UEVLD: variants seen among roughly 807,000 people sequenced by gnomAD.
UEVLD encodes UEV and lactate/malate dehyrogenase domains.
UEVLD carries 47 observed loss-of-function variants against 58.6 expected under a neutral mutation model. The ratio of observed to expected loss-of-function variants is 0.80; its 90% CI spans 0.63 to 1.02. The LOEUF is 1.02. Among genes scored for constraint, UEVLD ranks in the 50% least tolerant of loss-of-function variants. The pLI is 0.00. For missense variants in UEVLD, 510 were observed against 550.6 expected (o/e 0.93, Z 0.74); for synonymous variants, 197 against 195.3 (o/e 1.01, Z -0.07).
intron 7 of UEVLD, among the ~76,000 whole-genome samples, chr11:18,556,437 C>T (rs528936352): frequency 6.6e-6 from 1 of 152,338 alleles, no homozygotes; most frequent in East Asian, 1.9e-4. Context: ...CTAACTTTTA[C>T]AACTGATAGG....
At chr11:18,582,628 C>T (rs1853303192) in intron 1 of UEVLD, among the ~76,000 whole-genome samples, 1 of 152,000 alleles carries the variant, frequency 6.6e-6, no homozygotes, top group Non-Finnish European at 1.5e-5. Flanking sequence ...AGCCACCACA[C>T]CCAGCCTTAT....
At chr11:18,545,548 G>T (rs894757582) in intron 8 of UEVLD, among the ~76,000 whole-genome samples, 1 of 152,014 alleles carries the variant, frequency 6.6e-6, no homozygotes, top group African/African-American at 2.4e-5. Context: ...AGGTTCAAGG[G>T]ATTCTCCTAC....
At chr11:18,567,156 C>G (rs1852340818) in intron 4 of UEVLD, among the ~76,000 whole-genome samples, 1 of 152,146 alleles carries the variant, frequency 6.6e-6, no homozygotes, top group African/African-American at 2.4e-5. Context: ...TAACCGTTAT[C>G]AAATCAGAAA....
At chr11:18,545,396 G>A (rs1320110782) in intron 8 of UEVLD, among the ~76,000 whole-genome samples, 1 of 149,666 alleles carries the variant, frequency 6.7e-6, no homozygotes, top group Admixed American at 6.7e-5. Flanking sequence ...ATGTACATTA[G>A]AAACACTAAC....
chr11:18,532,090 A>T lies in UEVLD; in HGVS notation c.*230T>A. The T allele has an allele frequency of 3.1e-6, 1 of 326,752 alleles. No homozygotes were observed. The highest frequency in any genetic ancestry group is 5.5e-6 in the Non-Finnish European group (1 of 182,044). 20.2% of individuals were successfully genotyped at this position (326,752 alleles called of 1,614,324 possible). A position where few individuals can be genotyped will look rare whatever the true frequency, so the allele number is the denominator to read the frequency against. On this transcript the variant is annotated 3_prime_UTR_variant, in exon 12 of 12. Coordinates refer to ENST00000396197, the MANE Select transcript of UEVLD (RefSeq NM_001040697.4). ...GAATGTTTACCCCTGCTGTAGATTT[A>T]AAGAACAGCATAGATATCTCAAGAA...
intron 9 of UEVLD, among the ~76,000 whole-genome samples, chr11:18,543,319 G>A (rs971369245): frequency 1.3e-5 from 2 of 152,130 alleles, no homozygotes; most frequent in Admixed American, 6.5e-5. Context: ...CTCTTCGATC[G>A]GGTATTCACA....
At position 18,546,938 on chromosome 11, in the gene UEVLD, A is replaced by G; in HGVS notation, c.828T>C (p.Leu276=). 1.2e-6 allele frequency: 2 copies of G among 1,614,136 alleles called. No individual in the cohort carries two copies. Among genetic ancestry groups the G allele is most frequent in the Non-Finnish European group, 1.7e-6 (2 of 1,180,024 alleles). The change falls in exon 8 of 12, where the codon CTT becomes CTC. Residue 276 remains leucine (L), a synonymous_variant. Coordinates refer to ENST00000396197, the MANE Select transcript of UEVLD (RefSeq NM_001040697.4). Reference sequence around the variant, plus strand: ...GACTATAATGTCCCAGAGCTGGGACAAGGGCTCTGAACATATCCACATTGC... The same window carrying G: ...GACTATAATGTCCCAGAGCTGGGACGAGGGCTCTGAACATATCCACATTGC... ...VQSNVDMFRA[L]VPALGHYSQH... is the part of the protein sequence containing the mutation.
At chr11:18,574,895 GA>G (rs1852820108) in intron 3 of UEVLD, among the ~76,000 whole-genome samples, 1 of 152,092 alleles carries the variant, frequency 6.6e-6, no homozygotes, top group African/African-American at 2.4e-5. Flanking sequence ...GTGTAATGAA[GA>G]AAAAAGTAAC....
intron 9 of UEVLD, 195 bp from the exon 10 acceptor site, chr11:18,536,664 A>T: frequency 3.9e-6 from 2 of 515,880 alleles, no homozygotes; most frequent in Non-Finnish European, 7.0e-6. Flanking sequence ...AAAACTCTGA[A>T]CTACAAAAAA....
At position 18,545,079 on chromosome 11, in the gene UEVLD, T is replaced by A. The variant is rs1482608712; in HGVS notation, c.887-283A>T. Among the ~76,000 whole-genome samples, 605 of 145,796 alleles carry A rather than the reference T, an allele frequency of 4.1e-3. 5 individuals are homozygous for A. Among genetic ancestry groups the A allele is most frequent in the Non-Finnish European group, 5.2e-3 (344 of 66,000 alleles). On this transcript the variant is annotated intron_variant, in intron 8 of 11. Transcript: ENST00000396197. Reference sequence around the variant, plus strand: ...ATATCTATATCTATATCTATATTTTTTTTTTTTTTTTGAGATGGAGTGTCG... The same window carrying A: ...ATATCTATATCTATATCTATATTTTATTTTTTTTTTTGAGATGGAGTGTCG...
rs772899398 is a variant in UEVLD at position 18,544,797 on chromosome 11, C to T, written c.887-1G>A. On this transcript the variant is annotated splice_acceptor_variant, in intron 8 of 11. Coordinates refer to ENST00000396197, the MANE Select transcript of UEVLD (RefSeq NM_001040697.4). LOFTEE classifies it high-confidence loss of function. ...CATGTTACATAGGTCATGATTTCCACTAAATATTGCATACAAGGTAAAAAA... is the reference window on the plus strand; with the variant it reads ...CATGTTACATAGGTCATGATTTCCATTAAATATTGCATACAAGGTAAAAAA... 2 of 1,519,164 alleles carry T rather than the reference C, an allele frequency of 1.3e-6. No individual in the cohort carries two copies. Among genetic ancestry groups the T allele is most frequent in the South Asian group, 1.3e-5 (1 of 75,810 alleles). The allele number at this position is 1,519,164 out of a possible 1,614,324, so 94.1% of individuals were successfully genotyped here.
intron 4 of UEVLD, among the ~76,000 whole-genome samples, chr11:18,567,635 G>C (rs555888944): frequency 6.6e-6 from 1 of 152,134 alleles, no homozygotes; most frequent in Non-Finnish European, 1.5e-5. Context: ...AAAACAAAAC[G>C]AACTGTGCTG....
intron 1 of UEVLD, among the ~76,000 whole-genome samples, chr11:18,581,711 G>C (rs1398035440): frequency 2.0e-5 from 3 of 151,856 alleles, no homozygotes; most frequent in Non-Finnish European, 4.4e-5. Context: ...GGGGGAAAAG[G>C]GAAGGTCATT....
intron 1 of UEVLD, among the ~76,000 whole-genome samples, chr11:18,584,519 T>C (rs902337756): frequency 2.2e-4 from 33 of 152,232 alleles, no homozygotes; most frequent in Non-Finnish European, 2.9e-5. Context: ...TTGTCCAATA[T>C]GATAGCCACA....
intron 7 of UEVLD, among the ~76,000 whole-genome samples, chr11:18,553,108 T>G (rs990342155): frequency 7.3e-6 from 1 of 137,922 alleles, no homozygotes; most frequent in South Asian, 2.3e-4. Context: ...TGAGTCGAGA[T>G]AGCGCCATTG....
intron 7 of UEVLD, among the ~76,000 whole-genome samples, chr11:18,554,443 C>T (rs1484679603): frequency 1.5e-5 from 2 of 131,666 alleles, no homozygotes; most frequent in African/African-American, 5.8e-5. Context: ...GTTGCCCAGG[C>T]TGGAGTACAA....
chr11:18,562,546 G>GA (rs1032619799), intron 6 of UEVLD, among the ~76,000 whole-genome samples: 85 of 141,446 alleles, frequency 6.0e-4, no homozygotes, highest in Middle Eastern at 7.6e-3. Context: ...CATCTCCAAA[G>GA]AAAAAAAAAA....
intron 1 of UEVLD, among the ~76,000 whole-genome samples, chr11:18,584,874 G>A (rs1045176227): frequency 6.6e-6 from 1 of 152,090 alleles, no homozygotes; most frequent in Non-Finnish European, 1.5e-5. Flanking sequence ...CTCGTGATCT[G>A]CATGCCTCAG....
At chr11:18,564,022 A>G in intron 6 of UEVLD, 1 of 351,564 alleles carries the variant, frequency 2.8e-6, no homozygotes. Context: ...AAAAAAAAAA[A>G]AAGAGGTGAT....
Sources: allele counts gnomAD v4.1 joint callset (sites outside exome capture counted in the v4.1 genomes callset), GRCh38; gene constraint gnomAD v4.1.1; transcripts MANE v1.5; gene names NCBI Gene and HGNC (gene_info 2026-07-23, HGNC 2026-07-21).